PCDHA4: variants seen among roughly 807,000 people sequenced by gnomAD.
The protein encoded by PCDHA4 is protocadherin alpha-4.
In PCDHA4, 49 loss-of-function variants were observed where a neutral mutation model predicts 61.4. The observed-to-expected ratio is 0.80, with a 90% CI of 0.63 to 1.01. PCDHA4 has a LOEUF of 1.01. Ranked by LOEUF, PCDHA4 falls within the 50% of genes least tolerant of loss-of-function variation. PCDHA4 has a pLI of 0.00. For synonymous variants in PCDHA4, 590 were observed against 550.3 expected (o/e 1.07, Z -1.01); for missense variants, 1,254 against 1,235.8 (o/e 1.01, Z -0.22).
intron 3 of PCDHA4, among the ~76,000 whole-genome samples, chr5:140,988,219 G>C (rs976112285): frequency 1.3e-5 from 2 of 152,132 alleles, no homozygotes; most frequent in African/African-American, 2.4e-5. Flanking sequence ...AAAAAAATGA[G>C]ATCAGGGATC....
rs782673398 is a variant in PCDHA4, at chr5:140,875,932, C to A, written c.2385+66360C>A. ...TGCGCCTCTGGACTCTCATTTTCCTCTAGAGGGCGCTTCTGATGCGGATAT... is the reference window on the plus strand; with the variant it reads ...TGCGCCTCTGGACTCTCATTTTCCTATAGAGGGCGCTTCTGATGCGGATAT... On this transcript the variant is annotated intron_variant, in intron 1 of 3. Coordinates refer to ENST00000530339, the MANE Select transcript of PCDHA4 (RefSeq NM_018907.4). The A allele has an allele frequency of 3.1e-6, 5 of 1,614,154 alleles. No individual in the cohort carries two copies.
At chr5:140,812,561 T>A (rs1311819080) in intron 1 of PCDHA4, 1 of 152,190 alleles carries the variant, frequency 6.6e-6, no homozygotes, top group African/African-American at 2.4e-5. Flanking sequence ...GTTGTTAAGT[T>A]TTTTATTTGA....
intron 3 of PCDHA4, among the ~76,000 whole-genome samples, chr5:141,001,134 T>A (rs370176335): frequency 4.7e-4 from 72 of 152,158 alleles, no homozygotes; most frequent in African/African-American, 1.7e-3. Context: ...AACAAATGAA[T>A]CTTCTGTTGC....
At chr5:140,841,429 C>G (rs2150315333) in intron 1 of PCDHA4, 3 of 1,612,842 alleles carry the variant, frequency 1.9e-6, no homozygotes, top group South Asian at 1.1e-5. Flanking sequence ...ACTCCGTCCC[C>G]GAGGAGGCCA....
chr5:140,927,402 C>G, intron 1 of PCDHA4: 1 of 1,614,128 alleles, frequency 6.2e-7, no homozygotes, highest in Non-Finnish European at 8.5e-7. Context: ...AGCACTTTCG[C>G]CTGGACATGG....
chr5:140,983,526 A>G (rs1421450953), intron 3 of PCDHA4, among the ~76,000 whole-genome samples: 3 of 152,230 alleles, frequency 2.0e-5, no homozygotes, highest in Admixed American at 2.0e-4. Flanking sequence ...TGCCAAGTAC[A>G]TTGTATGTGT....
intron 1 of PCDHA4, among the ~76,000 whole-genome samples, chr5:140,837,869 G>A (rs1367921938): frequency 6.6e-6 from 1 of 151,606 alleles, no homozygotes; most frequent in African/African-American, 2.4e-5. Flanking sequence ...TGTAGAGACA[G>A]GGTGGAGTCT....
Position 140,845,550 on chromosome 5 carries a change from G to A in PCDHA4, c.2385+35978G>A, listed in dbSNP as rs185907796. Among the ~76,000 whole-genome samples, 15 of 149,478 alleles carry A rather than the reference G, an allele frequency of 1.0e-4. 1 individual carries two copies. Among genetic ancestry groups the A allele is most frequent in the Non-Finnish European group, 1.3e-4 (9 of 66,770 alleles). On this transcript the variant is annotated intron_variant, in intron 1 of 3. Coordinates refer to ENST00000530339, the MANE Select transcript of PCDHA4 (RefSeq NM_018907.4). ...TTTTCACTATTCTAATTATGGTGAT[G>A]CTTTTAGCTATTAAGAATTTCTGGG...
chr5:140,998,495 C>T (rs782386986), intron 3 of PCDHA4, among the ~76,000 whole-genome samples: 17 of 152,170 alleles, frequency 1.1e-4, no homozygotes, highest in Non-Finnish European at 1.9e-4. Context: ...TCTTTGAGAA[C>T]AGGGTACTTG....
chr5:140,986,204 T>A (rs2097190386), intron 3 of PCDHA4, among the ~76,000 whole-genome samples: 1 of 152,224 alleles, frequency 6.6e-6, no homozygotes, highest in African/African-American at 2.4e-5. Context: ...TAATCCTGAT[T>A]ACTGGCCCCT....
chr5:140,854,302 G>A, intron 1 of PCDHA4: 2 of 384,722 alleles, frequency 5.2e-6, no homozygotes, highest in Non-Finnish European at 7.1e-6. Context: ...TTTTGTGCGT[G>A]GAGATGATTG....
chr5:140,872,785 C>T (rs781982200), intron 1 of PCDHA4, among the ~76,000 whole-genome samples: 12 of 152,072 alleles, frequency 7.9e-5, no homozygotes, highest in Non-Finnish European at 1.3e-4. Context: ...ATAATATATG[C>T]TAGTTGGCAT....
chr5:140,807,856 T>G lies in PCDHA4; in HGVS notation c.669T>G (p.Thr223=), dbSNP rs781955377. The G allele has an allele frequency of 6.2e-7, 1 of 1,614,214 alleles. No individual in the cohort carries two copies. The highest frequency in any genetic ancestry group is 8.5e-7 in the Non-Finnish European group (1 of 1,180,022). Reference sequence around the variant, plus strand: ...CTGATGGAGGCAAACCCGAGTTGACTGGCACCGTTCAGTTACTCATCACAG... The same window carrying G: ...CTGATGGAGGCAAACCCGAGTTGACGGGCACCGTTCAGTTACTCATCACAG... ...TATDGGKPEL[T]GTVQLLITVL... Residue 223 remains threonine (T), a synonymous_variant, in exon 1 of 4, where the codon ACT becomes ACG. Coordinates refer to ENST00000530339, the MANE Select transcript of PCDHA4 (RefSeq NM_018907.4).
intron 1 of PCDHA4, chr5:140,968,123 C>T (rs782499744): frequency 1.1e-5 from 17 of 1,614,058 alleles, no homozygotes; most frequent in Admixed American, 3.3e-5. Context: ...CACATCCCTG[C>T]GTACACTGAA....
At chr5:141,007,192 TGGTGGGGGCCAGAATATGC>T (rs1371127830) in intron 3 of PCDHA4, among the ~76,000 whole-genome samples, 1 of 151,894 alleles carries the variant, frequency 6.6e-6, no homozygotes, top group African/African-American at 2.4e-5. Flanking sequence ...AATGTTTTGA[TGGTGGGGGCCAGAATATGC>T]TGTCCCAAAA....
At position 140,808,520 on chromosome 5, in the gene PCDHA4, G is replaced by T. The variant is rs1554124610; in HGVS notation, c.1333G>T (p.Val445Leu). 6.2e-7 allele frequency: 1 copy of T among 1,614,070 alleles called. No homozygotes were observed. Among genetic ancestry groups the T allele is most frequent in the East Asian group, 2.2e-5 (1 of 44,890 alleles). ...LWATASVSVEVADVNDNAPAF... is the reference protein window; with the variant it reads ...LWATASVSVELADVNDNAPAF... Reference sequence around the variant, plus strand: ...GGCCACGGCCAGTGTTTCTGTGGAGGTGGCTGATGTGAACGACAACGCTCC... The same window carrying T: ...GGCCACGGCCAGTGTTTCTGTGGAGTTGGCTGATGTGAACGACAACGCTCC... The change falls in exon 1 of 4, where the codon GTG becomes TTG. Residue 445 changes from valine (V) to leucine (L), a missense_variant. Physicochemically the swap from Val to Leu is conservative, Grantham distance 32. Transcript: ENST00000530339.
intron 1 of PCDHA4, chr5:140,870,778 G>T: frequency 1.2e-6 from 2 of 1,613,620 alleles, no homozygotes; most frequent in South Asian, 1.1e-5. Context: ...GGACGAGAAC[G>T]ACAACGCGCC....
chr5:140,892,424 C>T (rs1288815822), intron 1 of PCDHA4, among the ~76,000 whole-genome samples: 1 of 152,040 alleles, frequency 6.6e-6, no homozygotes, highest in Non-Finnish European at 1.5e-5. Context: ...CTAGATAAAA[C>T]CTCATTATCT....
chr5:140,906,585 C>T (rs782305409), intron 1 of PCDHA4, among the ~76,000 whole-genome samples: 1 of 152,208 alleles, frequency 6.6e-6, no homozygotes, highest in Non-Finnish European at 1.5e-5. Context: ...TTGATGACTA[C>T]CTTCCTCTAC....
Sources: allele counts gnomAD v4.1 joint callset (sites outside exome capture counted in the v4.1 genomes callset), GRCh38; gene constraint gnomAD v4.1.1; transcripts MANE v1.5; gene names NCBI Gene and HGNC (gene_info 2026-07-23, HGNC 2026-07-21).